Variants in NAPB observed in about 807,000 individuals in gnomAD.
NAPB encodes the protein NSF attachment protein beta, also known as beta-soluble NSF attachment protein.
A neutral mutation model predicts 44.7 loss-of-function variants in NAPB; 26 were observed. The observed-to-expected ratio is 0.58, with a 90% CI of 0.43 to 0.81. The LOEUF (loss-of-function observed/expected upper bound fraction) is 0.81, where lower values mean the gene tolerates loss of function less well. Among genes scored for constraint, NAPB ranks in the 30% least tolerant of loss-of-function variants. The probability of loss-of-function intolerance (pLI) is 0.00; values close to 1 mark genes in which losing one functional copy is unlikely to be tolerated. For synonymous variants in NAPB, 120 were observed against 116.8 expected, an observed-to-expected ratio of 1.03 and a Z score of -0.18; for missense variants, 315 against 356.4, an observed-to-expected ratio of 0.88 and a Z score of 0.94.
chr20:23,399,590 C>G (rs1236405142), intron 2 of NAPB, among the ~76,000 whole-genome samples: 1 of 152,214 alleles, frequency 6.6e-6, no homozygotes, highest in Non-Finnish European at 1.5e-5. Context: ...ACTGAACAAT[C>G]AGAGTACATG....
intron 2 of NAPB, among the ~76,000 whole-genome samples, chr20:23,401,068 T>C (rs570893625): frequency 2.0e-5 from 3 of 151,564 alleles, no homozygotes; most frequent in South Asian, 4.2e-4. Context: ...TAAGTTGACA[T>C]GTGAAGAGGG....
At chr20:23,397,024 T>TG in intron 3 of NAPB, 48 bp downstream of exon 3, 1 of 1,575,492 alleles carries the variant, frequency 6.3e-7, no homozygotes, top group Non-Finnish European at 8.7e-7. Context: ...AAGTACTGAC[T>TG]GGTTAGTTAC....
chr20:23,383,700 G>A (rs1056024526), intron 7 of NAPB, among the ~76,000 whole-genome samples: 6 of 152,162 alleles, frequency 3.9e-5, no homozygotes, highest in Admixed American at 3.9e-4. Flanking sequence ...ACAAAAGGAG[G>A]TTCTCTAAAT....
At chr20:23,395,308 G>A in intron 3 of NAPB, 123 bp from the exon 4 acceptor site, 2 of 990,924 alleles carry the variant, frequency 2.0e-6, no homozygotes, top group Non-Finnish European at 1.5e-6. Context: ...GTGGAGGGTG[G>A]GCAGGTTAAT....
At chr20:23,395,092 A>G (rs1600577259) in intron 4 of NAPB, 47 bp downstream of exon 4, 3 of 1,613,330 alleles carry the variant, frequency 1.9e-6, no homozygotes, top group African/African-American at 1.3e-5. Flanking sequence ...ACTCTAAGCC[A>G]TCTCAAGACT....
At chr20:23,383,407 A>G (rs1983200566) in intron 7 of NAPB, among the ~76,000 whole-genome samples, 3 of 152,098 alleles carry the variant, frequency 2.0e-5, no homozygotes, top group Admixed American at 6.5e-5. Context: ...GAATGACAGC[A>G]GACTTCTTAT....
chr20:23,405,621 G>T (rs60394866), intron 1 of NAPB, among the ~76,000 whole-genome samples: 1 of 152,078 alleles, frequency 6.6e-6, no homozygotes, highest in African/African-American at 2.4e-5. Context: ...CTACACAGGA[G>T]GCTGAGGCAG....
Position 23,421,442 on chromosome 20 carries a change from G to C in NAPB, c.-40C>G. The C allele has an allele frequency of 2.0e-6, 3 of 1,524,234 alleles. No homozygotes were observed. The highest frequency in any genetic ancestry group is 2.7e-6 in the Non-Finnish European group (3 of 1,131,718). The allele number at this position is 1,524,234 out of a possible 1,614,324, so 94.4% of individuals were successfully genotyped here. Reference sequence around the variant, plus strand: ...CCGCCACAGCCCCCTCAGCCGGCTCGCTGTGCGCCCAGGCGCCTTAACCCT... The same window carrying C: ...CCGCCACAGCCCCCTCAGCCGGCTCCCTGTGCGCCCAGGCGCCTTAACCCT... On this transcript the variant is annotated 5_prime_UTR_variant, in exon 1 of 11. Transcript: ENST00000377026.
chr20:23,387,017 T>C (rs1983580235), intron 7 of NAPB, among the ~76,000 whole-genome samples: 1 of 152,112 alleles, frequency 6.6e-6, no homozygotes, highest in Non-Finnish European at 1.5e-5. Flanking sequence ...ATTAAGCTGA[T>C]TAGGACAAAA....
chr20:23,384,068 T>C (rs536936164), intron 7 of NAPB, among the ~76,000 whole-genome samples: 1 of 152,298 alleles, frequency 6.6e-6, no homozygotes, highest in Non-Finnish European at 1.5e-5. Flanking sequence ...TATATACGGA[T>C]TTTTTTCAAC....
At chr20:23,380,995 G>C (rs1982956775) in intron 8 of NAPB, 1 of 497,654 alleles carries the variant, frequency 2.0e-6, no homozygotes, top group Non-Finnish European at 3.6e-6. Context: ...GTGTGTTCAG[G>C]GTGGTATGGC....
In NAPB at chr20:23,395,184, C is replaced by G; in HGVS notation, c.297G>C (p.Glu99Asp). 6.2e-7 allele frequency: 1 copy of G among 1,614,124 alleles called. No individual in the cohort carries two copies. Among genetic ancestry groups the G allele is most frequent in the Middle Eastern group, 1.6e-4 (1 of 6,062 alleles). ...TGGCTGCATTTAAGCAGTTGATAGC[C>G]TCTGAAGCGTAGGCATTTAAGAAAA... ...GNAYKKADPQ[E>D]AINCLNAAID... is the part of the protein sequence containing the mutation. The change falls in exon 4 of 11, where the codon GAG becomes GAC. Residue 99 changes from glutamate to aspartate, a missense_variant and splice_region_variant. Around this residue, in one of 3 missense-constraint regions of NAPB, gnomAD observed 179 missense variants for 182.5 expected, o/e 0.98. Transcript: ENST00000377026.
chr20:23,402,919 G>A (rs1984950984), intron 2 of NAPB, 74 bp downstream of exon 2: 1 of 1,184,112 alleles, frequency 8.4e-7, no homozygotes, highest in Non-Finnish European at 1.2e-6. Context: ...TCTTCAAGGG[G>A]AAAACAGTCA....
intron 1 of NAPB, among the ~76,000 whole-genome samples, chr20:23,417,606 C>A (rs902174066): frequency 6.6e-6 from 1 of 152,118 alleles, no homozygotes; most frequent in Non-Finnish European, 1.5e-5. Flanking sequence ...TCATCCCTGG[C>A]AACAAACTAA....
intron 2 of NAPB, among the ~76,000 whole-genome samples, chr20:23,398,854 A>ATTTTTTTTTTTTTTTTTTTTTTT (rs34074566): frequency 1.1e-5 from 1 of 90,426 alleles, no homozygotes; most frequent in Non-Finnish European, 2.0e-5. Flanking sequence ...CAAAAAAAAA[A>ATTTTTTTTTTTTTTTTTTTTTTT]TTTTTTTTTT....
At chr20:23,384,843 G>A (rs1024804692) in intron 7 of NAPB, among the ~76,000 whole-genome samples, 1 of 152,148 alleles carries the variant, frequency 6.6e-6, no homozygotes. Context: ...ATCCAGGCTG[G>A]CTGTGGTGGA....
At chr20:23,398,793 G>C (rs564873027) in intron 2 of NAPB, among the ~76,000 whole-genome samples, 1 of 150,760 alleles carries the variant, frequency 6.6e-6, no homozygotes, top group East Asian at 2.0e-4. Flanking sequence ...GCAGTGAGCC[G>C]AGACTGTGTC....
rs755474300 is a variant in NAPB at position 23,421,437 on chromosome 20, G to C, written c.-35C>G. Reference sequence around the variant, plus strand: ...CGCGGCCGCCACAGCCCCCTCAGCCGGCTCGCTGTGCGCCCAGGCGCCTTA... The same window carrying C: ...CGCGGCCGCCACAGCCCCCTCAGCCCGCTCGCTGTGCGCCCAGGCGCCTTA... On this transcript the variant is annotated 5_prime_UTR_variant, in exon 1 of 11. Transcript: ENST00000377026. 6 of 1,529,612 alleles carry C rather than the reference G, an allele frequency of 3.9e-6. No individual in the cohort carries two copies. In the Admixed American group the frequency reaches 6.0e-5, roughly 15 times the overall value. 94.8% of individuals were successfully genotyped at this position (1,529,612 alleles called of 1,614,324 possible).
intron 1 of NAPB, among the ~76,000 whole-genome samples, chr20:23,411,824 TAAAA>T (rs942674031): frequency 2.6e-5 from 4 of 151,660 alleles, no homozygotes; most frequent in Non-Finnish European, 4.4e-5. Context: ...CCTTCCTAAA[TAAAA>T]AAAGAGACAT....
Sources: gnomAD v4.1 joint callset for allele counts (sites outside exome capture counted in the v4.1 genomes callset) on GRCh38, gnomAD v4.1.1 for gene constraint, gnomAD v4.1.1 regional missense constraint, MANE v1.5 for transcripts, NCBI Gene and HGNC (gene_info 2026-07-23, HGNC 2026-07-21) for gene names.